TMPRSS11E: variants seen among roughly 807,000 people sequenced by gnomAD.
TMPRSS11E encodes the protein transmembrane serine protease 11E.
A neutral mutation model predicts 48.1 loss-of-function variants in TMPRSS11E; 38 were observed. That is an observed-to-expected ratio of 0.79 (90% confidence interval 0.61 to 1.04). The LOEUF (loss-of-function observed/expected upper bound fraction) is 1.04, where lower values mean the gene tolerates loss of function less well. Ranked by LOEUF, TMPRSS11E falls within the 50% of genes least tolerant of loss-of-function variation. The pLI is 0.00. For missense variants in TMPRSS11E, 530 were observed against 510.8 expected, an observed-to-expected ratio of 1.04 and a Z score of -0.36; for synonymous variants, 158 against 171.9, an observed-to-expected ratio of 0.92 and a Z score of 0.63.
chr4:68,479,104 A>T, intron 9 of TMPRSS11E, 113 bp downstream of exon 9: 1 of 1,262,062 alleles, frequency 7.9e-7, no homozygotes. Flanking sequence ...ACAACATCTC[A>T]CCCAGTTTTC....
At chr4:68,455,560 C>T (rs1728606954) in intron 1 of TMPRSS11E, among the ~76,000 whole-genome samples, 3 of 151,804 alleles carry the variant, frequency 2.0e-5, no homozygotes, top group Admixed American at 6.6e-5. Context: ...TAGACAATGT[C>T]AAGAAGAAGA....
chr4:68,490,267 T>G (rs1284541892), intron 9 of TMPRSS11E, among the ~76,000 whole-genome samples: 1 of 152,200 alleles, frequency 6.6e-6, no homozygotes, highest in Non-Finnish European at 1.5e-5. Flanking sequence ...TTCTTGATGG[T>G]CTGGTCCCTC....
chr4:68,465,632 T>C (rs748726548), intron 2 of TMPRSS11E, among the ~76,000 whole-genome samples: 2 of 152,178 alleles, frequency 1.3e-5, no homozygotes, highest in African/African-American at 4.8e-5. Context: ...CTAGGGACAC[T>C]GGTGTCCAGT....
At position 68,447,539 on chromosome 4, in the gene TMPRSS11E, T is replaced by C. The variant is rs1435492230; in HGVS notation, c.11+16T>C. 3 of 1,606,374 alleles carry C rather than the reference T, an allele frequency of 1.9e-6. No homozygotes were observed. Among genetic ancestry groups the C allele is most frequent in the African/African-American group, 1.3e-5 (1 of 74,386 alleles). ...TGATGTATCGGTGAGTTAGTTCCCT[T>C]TTTCTTTCTAGAAGTCTTAAGGTAA... On this transcript the variant is annotated intron_variant, in intron 1 of 9. Coordinates refer to ENST00000305363, the MANE Select transcript of TMPRSS11E (RefSeq NM_014058.4).
chr4:68,490,702 G>A (rs1729691040), intron 9 of TMPRSS11E, among the ~76,000 whole-genome samples: 1 of 144,724 alleles, frequency 6.9e-6, no homozygotes. Context: ...GATGGGGAGA[G>A]TTATTCCTCA....
intron 9 of TMPRSS11E, among the ~76,000 whole-genome samples, 194 bp downstream of exon 9, chr4:68,479,185 G>A (rs1038679609): frequency 2.0e-5 from 3 of 152,110 alleles, no homozygotes; most frequent in Non-Finnish European, 4.4e-5. Context: ...TACAAAGTAT[G>A]TGTCTAATTC....
intron 4 of TMPRSS11E, among the ~76,000 whole-genome samples, chr4:68,470,323 A>G (rs892869913): frequency 6.6e-6 from 1 of 151,498 alleles, no homozygotes; most frequent in Non-Finnish European, 1.5e-5. Flanking sequence ...AAAATAGAAA[A>G]ATCATGACAA....
chr4:68,474,296 T>G, intron 5 of TMPRSS11E, among the ~76,000 whole-genome samples: 1 of 152,134 alleles, frequency 6.6e-6, no homozygotes, highest in Non-Finnish European at 1.5e-5. Flanking sequence ...GCTTATGAGC[T>G]CAATGATACA....
chr4:68,471,730 G>A (rs34883218), intron 5 of TMPRSS11E, 107 bp downstream of exon 5: 226,235 of 721,512 alleles, frequency 0.31, 38,161 homozygotes, highest in Middle Eastern at 0.41. Context: ...CTGGGGTCTT[G>A]CCACCAACAG....
intron 9 of TMPRSS11E, among the ~76,000 whole-genome samples, chr4:68,494,765 A>G (rs2708673): frequency 0.27 from 41,577 of 152,122 alleles, 6,706 homozygotes; most frequent in East Asian, 0.75. Flanking sequence ...AAACGCCCAA[A>G]GTCTGGTGGC....
intron 9 of TMPRSS11E, among the ~76,000 whole-genome samples, chr4:68,491,473 G>A (rs779147935): frequency 6.6e-6 from 1 of 151,820 alleles, no homozygotes; most frequent in Non-Finnish European, 1.5e-5. Flanking sequence ...ATTTAGCTGG[G>A]GAAAAAAGAA....
Position 68,476,245 on chromosome 4 carries a change from CCT to C in TMPRSS11E, c.530-9_530-8del, listed in dbSNP as rs1204000281. 6.2e-7 allele frequency: 1 copy of C among 1,613,500 alleles called. No individual in the cohort carries two copies. On this transcript the variant is annotated splice_polypyrimidine_tract_variant and intron_variant, in intron 6 of 9. Coordinates refer to ENST00000305363, the MANE Select transcript of TMPRSS11E (RefSeq NM_014058.4). ...TTAATGCACCCACCAATGCACCCCC[CCT>C]CTCTCTTTTGCAGGCTGCGGAACAC...
At position 68,478,881 on chromosome 4, in the gene TMPRSS11E, G is replaced by A; in HGVS notation, c.1000G>A (p.Val334Met). The change falls in exon 9 of 10, where the codon GTG (valine) becomes ATG (methionine). Residue 334 changes from valine (V) to methionine (M), a missense_variant. Transcript: ENST00000305363. Reference sequence around the variant, plus strand: ...TCAAAATCATCTTCGACAAGCACAGGTGACTCTCATAGACGCTACAACTTG... The same window carrying A: ...TCAAAATCATCTTCGACAAGCACAGATGACTCTCATAGACGCTACAACTTG... ...YSQNHLRQAQ[V>M]TLIDATTCNE... 6.2e-7 allele frequency: 1 copy of A among 1,613,898 alleles called. No homozygotes were observed.
chr4:68,456,334 G>A lies in TMPRSS11E; in HGVS notation c.12-5487G>A, dbSNP rs181036135. On this transcript the variant is annotated intron_variant, in intron 1 of 9. Transcript: ENST00000305363. ...TTATGGTAGGGAATGCAAACATTGT[G>A]ATTCAGCCCAAGCGCCTGGCTGATG... Among the ~76,000 whole-genome samples the A allele has an allele frequency of 7.6e-4, 115 of 152,088 alleles. 1 individual carries two copies. The highest frequency in any genetic ancestry group is 4.6e-3 in the South Asian group (22 of 4,822).
intron 9 of TMPRSS11E, among the ~76,000 whole-genome samples, chr4:68,494,052 T>TTC (rs1041800012): frequency 2.0e-5 from 3 of 151,606 alleles, no homozygotes; most frequent in Non-Finnish European, 4.4e-5. Flanking sequence ...TGATTAATCT[T>TTC]TCTCTCTCTC....
At chr4:68,448,562 T>C (rs1385599883) in intron 1 of TMPRSS11E, among the ~76,000 whole-genome samples, 1 of 151,942 alleles carries the variant, frequency 6.6e-6, no homozygotes, top group African/African-American at 2.4e-5. Flanking sequence ...ACATACTAAA[T>C]AGATTACAAG....
chr4:68,496,586 C>A (rs1729872013), intron 9 of TMPRSS11E, 57 bp from the exon 10 acceptor site: 1 of 1,493,156 alleles, frequency 6.7e-7, no homozygotes, highest in Non-Finnish European at 9.0e-7. Context: ...AGAAAAATAG[C>A]CAATTCCTCT....
At chr4:68,453,229 C>T (rs1728544984) in intron 1 of TMPRSS11E, among the ~76,000 whole-genome samples, 1 of 151,894 alleles carries the variant, frequency 6.6e-6, no homozygotes, top group Non-Finnish European at 1.5e-5. Flanking sequence ...GTGCCATCTC[C>T]CTTGTGTTAC....
intron 1 of TMPRSS11E, among the ~76,000 whole-genome samples, chr4:68,455,164 C>T (rs544555401): frequency 6.6e-6 from 1 of 151,884 alleles, no homozygotes; most frequent in African/African-American, 2.4e-5. Context: ...CTTAGTTTGA[C>T]TGCAAATTAT....
Sources: gnomAD v4.1 joint callset for allele counts (sites outside exome capture counted in the v4.1 genomes callset) on GRCh38, gnomAD v4.1.1 for gene constraint, MANE v1.5 for transcripts, NCBI Gene and HGNC (gene_info 2026-07-23, HGNC 2026-07-21) for gene names.